NLGN1: variants seen among roughly 807,000 people sequenced by gnomAD.
NLGN1 encodes neuroligin-1.
In NLGN1, 12 loss-of-function variants were observed where a neutral mutation model predicts 65.5. The observed-to-expected ratio is 0.18, with a 90% CI of 0.12 to 0.30. The LOEUF (loss-of-function observed/expected upper bound fraction) is 0.30, where lower values mean the gene tolerates loss of function less well. Among genes scored for constraint, NLGN1 ranks in the 10% least tolerant of loss-of-function variants. NLGN1 has a pLI of 1.00. For missense variants in NLGN1, 750 were observed against 1,007.1 expected (o/e 0.74, Z 3.46); for synonymous variants, 350 against 359.5 (o/e 0.97, Z 0.30).
intron 2 of NLGN1, among the ~76,000 whole-genome samples, chr3:173,446,699 A>C (rs1330357602): frequency 1.3e-5 from 2 of 152,248 alleles, no homozygotes; most frequent in African/African-American, 4.8e-5. Context: ...AAGTGTTACT[A>C]TTTGTCCACA....
intron 3 of NLGN1, among the ~76,000 whole-genome samples, chr3:173,799,662 G>T (rs1216821065): frequency 6.6e-6 from 1 of 151,926 alleles, no homozygotes; most frequent in Non-Finnish European, 1.5e-5. Flanking sequence ...TGTGCAGGAT[G>T]CAAATGTCTT....
At chr3:173,551,556 A>T (rs1740857421) in intron 2 of NLGN1, among the ~76,000 whole-genome samples, 1 of 152,216 alleles carries the variant, frequency 6.6e-6, no homozygotes, top group Admixed American at 6.5e-5. Flanking sequence ...GTTCACATTT[A>T]AAAAAATCAT....
At chr3:173,900,843 C>T (rs1737216111) in intron 4 of NLGN1, among the ~76,000 whole-genome samples, 1 of 151,924 alleles carries the variant, frequency 6.6e-6, no homozygotes, top group Admixed American at 6.6e-5. Context: ...ACATTTTACC[C>T]TGATAGAACC....
chr3:174,286,460 G>A (rs986050868), exon 7 of NLGN1: 2 of 151,462 alleles, frequency 1.3e-5, no homozygotes, highest in Non-Finnish European at 3.0e-5. Context: ...GTGTTTAAAA[G>A]GATTTTAGTG....
intron 3 of NLGN1, among the ~76,000 whole-genome samples, chr3:173,770,472 C>G (rs535440710): frequency 6.6e-6 from 1 of 152,288 alleles, no homozygotes; most frequent in African/African-American, 2.4e-5. Context: ...CATATGGATA[C>G]TTAATTACTT....
At chr3:173,540,288 G>A (rs1250853916) in intron 2 of NLGN1, among the ~76,000 whole-genome samples, 1 of 152,182 alleles carries the variant, frequency 6.6e-6, no homozygotes, top group Non-Finnish European at 1.5e-5. Flanking sequence ...TGGCAGAGCA[G>A]CTTGCACAGC....
chr3:174,152,157 G>GAAC (rs3035849), intron 4 of NLGN1, among the ~76,000 whole-genome samples: 55,512 of 151,662 alleles, frequency 0.37, 11,839 homozygotes, highest in African/African-American at 0.59. Flanking sequence ...TAAAACTTTA[G>GAAC]ATTTGAAGAG....
rs199746500 is a variant in NLGN1, at chr3:173,901,367, G to GT, written c.646+93535_646+93536insT. Among the ~76,000 whole-genome samples the GT allele has an allele frequency of 9.1e-3, 1,363 of 149,442 alleles. 30 individuals carry two copies. Among genetic ancestry groups the GT allele is most frequent in the African/African-American group, 0.032 (1,295 of 40,582 alleles). On this transcript the variant is annotated intron_variant, in intron 4 of 6. Coordinates refer to ENST00000457714, the Ensembl canonical transcript of NLGN1. Reference sequence around the variant, plus strand: ...TTTGAAAAACTAGTATTTTTTTTGGGGGGGTGTGTGTGTGTGTGTTTAAAA... The same window carrying GT: ...TTTGAAAAACTAGTATTTTTTTTGGGTGGGGTGTGTGTGTGTGTGTTTAAAA...
At chr3:173,991,757 A>G (rs994412734) in intron 4 of NLGN1, among the ~76,000 whole-genome samples, 1 of 152,138 alleles carries the variant, frequency 6.6e-6, no homozygotes, top group African/African-American at 2.4e-5. Flanking sequence ...ATAGTCTGCA[A>G]ACATCAGGAC....
intron 4 of NLGN1, among the ~76,000 whole-genome samples, chr3:174,227,854 A>T (rs1165604255): frequency 2.0e-5 from 3 of 152,130 alleles, no homozygotes; most frequent in Non-Finnish European, 4.4e-5. Flanking sequence ...TATTTGACTT[A>T]TGAAAATATG....
intron 4 of NLGN1, among the ~76,000 whole-genome samples, chr3:173,848,886 A>G (rs1726327757): frequency 1.3e-5 from 2 of 152,190 alleles, no homozygotes; most frequent in Admixed American, 6.5e-5. Context: ...ATAAACTATA[A>G]TTACCTGCGA....
At chr3:174,060,570 C>T (rs1737172347) in intron 4 of NLGN1, among the ~76,000 whole-genome samples, 1 of 152,070 alleles carries the variant, frequency 6.6e-6, no homozygotes, top group Admixed American at 6.6e-5. Flanking sequence ...CTCTCCCTAC[C>T]TCTCTCTTGC....
intron 2 of NLGN1, among the ~76,000 whole-genome samples, chr3:173,513,953 A>C (rs1026005664): frequency 1.3e-5 from 2 of 152,132 alleles, no homozygotes; most frequent in Non-Finnish European, 2.9e-5. Context: ...GTTTGAACCC[A>C]GTAGGCAGAG....
At chr3:173,536,384 T>C (rs980952874) in intron 2 of NLGN1, among the ~76,000 whole-genome samples, 1 of 152,224 alleles carries the variant, frequency 6.6e-6, no homozygotes, top group Non-Finnish European at 1.5e-5. Flanking sequence ...CTTACCTTTG[T>C]TCACTGAGAG....
At chr3:173,816,693 C>A (rs956383959) in intron 4 of NLGN1, among the ~76,000 whole-genome samples, 1 of 152,230 alleles carries the variant, frequency 6.6e-6, no homozygotes, top group African/African-American at 2.4e-5. Flanking sequence ...CTTAGCTCAT[C>A]TCAAAACACT....
chr3:173,702,331 A>T (rs1008523482), intron 3 of NLGN1, among the ~76,000 whole-genome samples: 1 of 152,124 alleles, frequency 6.6e-6, no homozygotes, highest in Non-Finnish European at 1.5e-5. Flanking sequence ...GGGAAGAGTT[A>T]CTTCACGACA....
chr3:174,255,935 A>G (rs983950796), intron 4 of NLGN1, among the ~76,000 whole-genome samples: 2 of 152,146 alleles, frequency 1.3e-5, no homozygotes, highest in Admixed American at 6.6e-5. Context: ...TTGAGATTAC[A>G]GGCGTGAGCC....
intron 2 of NLGN1, among the ~76,000 whole-genome samples, chr3:173,535,545 A>G (rs1737294831): frequency 6.6e-6 from 1 of 152,174 alleles, no homozygotes; most frequent in African/African-American, 2.4e-5. Flanking sequence ...AGCCTTAGTA[A>G]TATGTAAAAA....
At chr3:174,104,388 T>C (rs1313179637) in intron 4 of NLGN1, among the ~76,000 whole-genome samples, 1 of 152,186 alleles carries the variant, frequency 6.6e-6, no homozygotes, top group Non-Finnish European at 1.5e-5. Flanking sequence ...ATGTGTGCAG[T>C]AATTCATGGT....
Sources: gnomAD v4.1 joint callset for allele counts (sites outside exome capture counted in the v4.1 genomes callset) on GRCh38, gnomAD v4.1.1 for gene constraint, MANE v1.5 for transcripts, NCBI Gene and HGNC (gene_info 2026-07-23, HGNC 2026-07-21) for gene names.